The following ZBBX variants were observed in gnomAD, a reference collection of about 807,000 sequenced individuals.
The protein encoded by ZBBX is zinc finger B-box domain-containing protein 1.
ZBBX carries 101 observed loss-of-function variants against 108.5 expected under a neutral mutation model. The observed-to-expected ratio is 0.93, with a 90% CI of 0.79 to 1.10. The LOEUF is 1.10. Among genes scored for constraint, ZBBX ranks in the 50% least tolerant of loss-of-function variants. ZBBX has a pLI of 0.00. For missense variants in ZBBX, 1,009 were observed against 941.4 expected, an observed-to-expected ratio of 1.07 and a Z score of -0.94; for synonymous variants, 356 against 323.4, an observed-to-expected ratio of 1.10 and a Z score of -1.08.
chr3:167,381,448 G>T (rs1440185146), upstream of ZBBX: 4 of 152,144 alleles, frequency 2.6e-5, no homozygotes, highest in African/African-American at 9.7e-5. Context: ...TAAGTATTTA[G>T]CTCTAAGCCA....
At chr3:167,226,096 GA>G in the ZBBX span, among the ~76,000 whole-genome samples, 4 of 139,734 alleles carry the variant, frequency 2.9e-5, no homozygotes, top group Admixed American at 7.1e-5. Context: ...AAAAAAAAAA[GA>G]AAAAAAAACC....
intron 20 of ZBBX, among the ~76,000 whole-genome samples, chr3:167,252,983 G>C (rs1210704667): frequency 6.6e-6 from 1 of 151,976 alleles, no homozygotes; most frequent in African/African-American, 2.4e-5. Flanking sequence ...TTTCAGAATT[G>C]GCCTGTAATG....
chr3:167,349,367 A>T (rs1010842183), intron 9 of ZBBX, among the ~76,000 whole-genome samples: 1 of 152,042 alleles, frequency 6.6e-6, no homozygotes, highest in African/African-American at 2.4e-5. Flanking sequence ...TGACTATCTG[A>T]TTGTAATACC....
intron 21 of ZBBX, 62 bp downstream of exon 21, chr3:167,242,443 T>G: frequency 2.2e-6 from 3 of 1,374,022 alleles, no homozygotes; most frequent in Non-Finnish European, 2.9e-6. Flanking sequence ...AGATAACTAG[T>G]TGGAGCTTGT....
At chr3:167,288,323 T>C (rs1161407669) in intron 19 of ZBBX, among the ~76,000 whole-genome samples, 1 of 152,168 alleles carries the variant, frequency 6.6e-6, no homozygotes, top group African/African-American at 2.4e-5. Context: ...AATTATTCTA[T>C]GGAAAATCTT....
At chr3:167,182,995 C>G in the ZBBX span, among the ~76,000 whole-genome samples, 1 of 152,148 alleles carries the variant, frequency 6.6e-6, no homozygotes, top group Non-Finnish European at 1.5e-5. Flanking sequence ...AGTGGTCGCT[C>G]TAGGCGCTGC....
chr3:167,375,546 C>T (rs1746823287), intron 2 of ZBBX, among the ~76,000 whole-genome samples: 1 of 151,714 alleles, frequency 6.6e-6, no homozygotes, highest in Non-Finnish European at 1.5e-5. Context: ...GGGCCAAGAT[C>T]GCACCACTGC....
At chr3:167,350,123 C>T (rs1742372723) in intron 9 of ZBBX, among the ~76,000 whole-genome samples, 1 of 151,872 alleles carries the variant, frequency 6.6e-6, no homozygotes, top group Non-Finnish European at 1.5e-5. Flanking sequence ...TTTGAAATCA[C>T]AATAGATAAA....
intron 1 of ZBBX, among the ~76,000 whole-genome samples, chr3:167,407,682 C>G (rs1478952794): frequency 6.6e-6 from 1 of 151,948 alleles, no homozygotes; most frequent in Non-Finnish European, 1.5e-5. Flanking sequence ...TATTATTCAT[C>G]AAGTAAAGTA....
intron 20 of ZBBX, among the ~76,000 whole-genome samples, chr3:167,264,180 T>C (rs562446602): frequency 2.0e-5 from 3 of 151,984 alleles, no homozygotes; most frequent in South Asian, 2.1e-4. Context: ...TGTCTTTTAA[T>C]TGGAGAGTTT....
the ZBBX span, among the ~76,000 whole-genome samples, chr3:167,186,423 A>G: frequency 6.6e-6 from 1 of 152,094 alleles, no homozygotes; most frequent in African/African-American, 2.4e-5. Flanking sequence ...GAAGAGAGGG[A>G]AGAAGGGATG....
At chr3:167,200,449 C>T in the ZBBX span, among the ~76,000 whole-genome samples, 1 of 152,112 alleles carries the variant, frequency 6.6e-6, no homozygotes, top group Non-Finnish European at 1.5e-5. Context: ...TTTTTGAAGA[C>T]TCTCAGGTTT....
At chr3:167,321,992 G>C (rs1480186740) in intron 12 of ZBBX, 125 bp downstream of exon 12, 2 of 532,058 alleles carry the variant, frequency 3.8e-6, no homozygotes, top group East Asian at 3.7e-5. Flanking sequence ...ATTTAATCTT[G>C]CTTTAAAATT....
chr3:167,235,752 T>C (rs1448818854), downstream of ZBBX, among the ~76,000 whole-genome samples: 1 of 151,670 alleles, frequency 6.6e-6, no homozygotes, highest in Non-Finnish European at 1.5e-5. Context: ...ATAGTAGACA[T>C]TTGCATTAAA....
chr3:167,348,360 GAAAGAAAGA>G (rs1410886884), intron 9 of ZBBX, among the ~76,000 whole-genome samples: 1 of 123,806 alleles, frequency 8.1e-6, no homozygotes, highest in Non-Finnish European at 1.7e-5. Flanking sequence ...AAGAAAGAAA[GAAAGAAAGA>G]AAAAAAAGAA....
At chr3:167,305,466 C>T (rs997667032) in intron 17 of ZBBX, among the ~76,000 whole-genome samples, 177 bp downstream of exon 17, 1 of 151,982 alleles carries the variant, frequency 6.6e-6, no homozygotes, top group Non-Finnish European at 1.5e-5. Flanking sequence ...AGAATTTGTC[C>T]TAGAGGCCAT....
At chr3:167,233,950 T>G in the ZBBX span, among the ~76,000 whole-genome samples, 3 of 151,750 alleles carry the variant, frequency 2.0e-5, no homozygotes, top group African/African-American at 7.2e-5. Flanking sequence ...GTAGAATTCT[T>G]TCTTCTGTCT....
intron 10 of ZBBX, 42 bp downstream of exon 10, chr3:167,333,783 GTT>G (rs1739072970): frequency 2.0e-6 from 3 of 1,470,412 alleles, no homozygotes; most frequent in Middle Eastern, 1.8e-4. Context: ...ACCTGCCATA[GTT>G]ACATATGTCA....
chr3:167,373,889 A>T (rs561132947), intron 2 of ZBBX, 102 bp from the exon 3 acceptor site: 7 of 152,158 alleles, frequency 4.6e-5, no homozygotes, highest in African/African-American at 1.7e-4. Flanking sequence ...AAAATTATTT[A>T]TAAGTGGATC....
Sources: gnomAD v4.1 joint callset for allele counts (sites outside exome capture counted in the v4.1 genomes callset) on GRCh38, gnomAD v4.1.1 for gene constraint, MANE v1.5 for transcripts, NCBI Gene and HGNC (gene_info 2026-07-23, HGNC 2026-07-21) for gene names.